ABCG2: variants seen among roughly 807,000 people sequenced by gnomAD.
ABCG2 encodes the protein ATP binding cassette subfamily G member 2 (JR blood group), also known as broad substrate specificity ATP-binding cassette transporter ABCG2.
Under a neutral mutation model 73.5 loss-of-function variants are expected in ABCG2, and 80 were observed. That is an observed-to-expected ratio of 1.09 (90% CI 0.91 to 1.31). The LOEUF is 1.31. Ranked by LOEUF, ABCG2 falls within the 50% of genes most tolerant of loss-of-function variation. The probability of loss-of-function intolerance (pLI) is 0.00; values close to 1 mark genes in which losing one functional copy is unlikely to be tolerated. For synonymous variants in ABCG2, 269 were observed against 282.4 expected (o/e 0.95, Z 0.48); for missense variants, 796 against 786.2 (o/e 1.01, Z -0.15).
intron 1 of ABCG2, among the ~76,000 whole-genome samples, chr4:88,215,015 C>T (rs1729757620): frequency 6.6e-6 from 1 of 151,998 alleles, no homozygotes; most frequent in Non-Finnish European, 1.5e-5. Flanking sequence ...TCACTTGAGC[C>T]CAGGACGTTG....
At chr4:88,214,816 G>A (rs531837084) in intron 1 of ABCG2, among the ~76,000 whole-genome samples, 1 of 151,182 alleles carries the variant, frequency 6.6e-6, no homozygotes, top group African/African-American at 2.4e-5. Context: ...TAGAGATTAG[G>A]TCTTGCTATG....
intron 1 of ABCG2, among the ~76,000 whole-genome samples, chr4:88,146,152 C>G (rs1359224794): frequency 6.6e-6 from 1 of 152,136 alleles, no homozygotes; most frequent in African/African-American, 2.4e-5. Flanking sequence ...GATGACAAAC[C>G]TGCCCACCCT....
intron 1 of ABCG2, among the ~76,000 whole-genome samples, chr4:88,202,352 A>T (rs1257706139): frequency 3.0e-5 from 2 of 67,200 alleles, no homozygotes; most frequent in Admixed American, 1.6e-4. Context: ...CTCTACAATT[A>T]TTTATATATA....
Position 88,114,818 on chromosome 4 carries a change from A to G in ABCG2, c.943+139T>C, listed in dbSNP as rs74421990. 1,834 of 556,726 alleles carry G rather than the reference A, an allele frequency of 3.3e-3. 28 individuals carry two copies. The highest frequency in any genetic ancestry group is 0.032 in the African/African-American group (1,693 of 52,942). 34.5% of individuals were successfully genotyped at this position (556,726 alleles called of 1,614,324 possible). ...AAAACACCAACAGCACTCACAGACA[A>G]CAAAATATTTGTGTTGACTGGTATC... On this transcript the variant is annotated intron_variant, in intron 8 of 15. Transcript: ENST00000237612.
At chr4:88,170,739 C>T (rs982095853) in intron 1 of ABCG2, among the ~76,000 whole-genome samples, 8 of 152,258 alleles carry the variant, frequency 5.3e-5, no homozygotes, top group Non-Finnish European at 7.3e-5. Context: ...CTTTATCATA[C>T]CTCACTCTTG....
At chr4:88,217,846 GTCC>G (rs1729870457) in intron 1 of ABCG2, among the ~76,000 whole-genome samples, 1 of 151,848 alleles carries the variant, frequency 6.6e-6, no homozygotes, top group African/African-American at 2.4e-5. Context: ...TGTTCCTGTA[GTCC>G]CAACTACTTA....
chr4:88,151,786 G>A (rs926649489), intron 1 of ABCG2, among the ~76,000 whole-genome samples: 2 of 151,526 alleles, frequency 1.3e-5, no homozygotes, highest in East Asian at 1.9e-4. Context: ...TGTGAGCAGC[G>A]GCATTACTTC....
rs199897813 is a variant in ABCG2, at chr4:88,094,576, C to T, written c.1820+1G>A. ...CATTTTGACACTGAACAAAAACTTA[C>T]GTTGCATAGTTACAAGGATTGTTTC... On this transcript the variant is annotated splice_donor_variant, in intron 15 of 15. Coordinates refer to ENST00000237612, the MANE Select transcript of ABCG2 (RefSeq NM_004827.3). LOFTEE classifies it high-confidence loss of function. 69 of 1,612,588 alleles carry T rather than the reference C, an allele frequency of 4.3e-5. No individual in the cohort carries two copies. Among genetic ancestry groups the T allele is most frequent in the East Asian group, 2.5e-4 (11 of 44,872 alleles).
upstream of ABCG2, chr4:88,158,754 GGCGGCCGGCGTGGGAGGCGCT>G: frequency 7.8e-6 from 3 of 385,236 alleles, 1 homozygote. Context: ...CCCCTCGCGC[GGCGGCCGGCGTGGGAGGCGCT>G]GCGGCTGGAG....
At chr4:88,154,808 G>T (rs1229261185) in intron 1 of ABCG2, among the ~76,000 whole-genome samples, 1 of 152,178 alleles carries the variant, frequency 6.6e-6, no homozygotes, top group African/African-American at 2.4e-5. Context: ...TGTCAGGTGT[G>T]AGGAAGAAAA....
At chr4:88,159,108 A>G (rs1727166033), upstream of ABCG2, 3 of 455,668 alleles carry the variant, frequency 6.6e-6, no homozygotes, top group Admixed American at 7.1e-5. Flanking sequence ...CGTGACACGC[A>G]GGGACAAGCC....
At chr4:88,211,012 G>A (rs985724635) in intron 1 of ABCG2, among the ~76,000 whole-genome samples, 2 of 151,906 alleles carry the variant, frequency 1.3e-5, no homozygotes, top group African/African-American at 2.4e-5. Context: ...AGGAACTCGA[G>A]GCTGTAGTGC....
chr4:88,211,275 G>C (rs1338186342), intron 1 of ABCG2, among the ~76,000 whole-genome samples: 2 of 148,372 alleles, frequency 1.3e-5, no homozygotes, highest in African/African-American at 5.0e-5. Flanking sequence ...TAAGCAGATT[G>C]CATACTGGTG....
chr4:88,211,488 C>T (rs1271716716), intron 1 of ABCG2, among the ~76,000 whole-genome samples: 1 of 152,102 alleles, frequency 6.6e-6, no homozygotes, highest in Non-Finnish European at 1.5e-5. Context: ...GCGATCTCCG[C>T]TCACTGCAAC....
intron 1 of ABCG2, among the ~76,000 whole-genome samples, chr4:88,143,358 C>T (rs1307574429): frequency 6.6e-6 from 1 of 152,172 alleles, no homozygotes; most frequent in African/African-American, 2.4e-5. Context: ...ACTGCCATCC[C>T]CATTTGATGT....
upstream of ABCG2, chr4:88,159,088 G>T: frequency 2.2e-6 from 1 of 455,646 alleles, no homozygotes; most frequent in Non-Finnish European, 4.4e-6. Context: ...CGGGGCTAGG[G>T]TCACCCTGCC....
At chr4:88,225,866 A>T (rs1196346831) in intron 1 of ABCG2, among the ~76,000 whole-genome samples, 1 of 152,224 alleles carries the variant, frequency 6.6e-6, no homozygotes, top group Admixed American at 6.5e-5. Flanking sequence ...CAAAAGGCAC[A>T]TCTTACATGG....
At chr4:88,107,466 A>G (rs1487361865) in intron 9 of ABCG2, among the ~76,000 whole-genome samples, 200 bp from the exon 10 acceptor site, 1 of 152,234 alleles carries the variant, frequency 6.6e-6, no homozygotes, top group Non-Finnish European at 1.5e-5. Context: ...TTAAAAATTA[A>G]GTTATCTGTG....
intron 1 of ABCG2, among the ~76,000 whole-genome samples, chr4:88,201,977 A>T (rs1477624064): frequency 6.6e-6 from 1 of 152,016 alleles, no homozygotes; most frequent in Non-Finnish European, 1.5e-5. Context: ...AGAAATTCTG[A>T]TTTAATTGGT....
Sources: gnomAD v4.1 joint callset for allele counts (sites outside exome capture counted in the v4.1 genomes callset) on GRCh38, gnomAD v4.1.1 for gene constraint, MANE v1.5 for transcripts, NCBI Gene and HGNC (gene_info 2026-07-23, HGNC 2026-07-21) for gene names.